Variants in INTS12 observed in about 807,000 individuals in gnomAD.
The protein encoded by INTS12 is integrator complex subunit 12, also known as PHD finger protein 22.
INTS12 carries 13 observed loss-of-function variants against 41.6 expected under a neutral mutation model. The observed-to-expected ratio is 0.31, with a 90% CI of 0.20 to 0.50. The LOEUF is 0.50. Among genes scored for constraint, INTS12 ranks in the 20% least tolerant of loss-of-function variants. INTS12 has a pLI of 0.98. For synonymous variants in INTS12, 199 were observed against 191.4 expected (o/e 1.04, Z -0.33); for missense variants, 432 against 541.6 (o/e 0.80, Z 2.01).
In INTS12 at chr4:105,682,821, C is replaced by A; in HGVS notation, c.1301G>T (p.Gly434Val). 6.2e-7 allele frequency: 1 copy of A among 1,614,030 alleles called. No individual in the cohort carries two copies. The highest frequency in any genetic ancestry group is 8.5e-7 in the Non-Finnish European group (1 of 1,179,936). ...SSSSPSASLK[G>V]PTSQESQLNA... Reference sequence around the variant, plus strand: ...GAGCTGTGATTCTTGTGAAGTTGGGCCTTTAAGGGATGCTGAGGGAGAGCT... The same window carrying A: ...GAGCTGTGATTCTTGTGAAGTTGGGACTTTAAGGGATGCTGAGGGAGAGCT... The change falls in exon 8 of 8, where the codon GGC becomes GTC. Residue 434 changes from glycine (G) to valine (V), a missense_variant. Gly to Val is a moderately radical substitution (Grantham distance 109, BLOSUM62 -3). Coordinates refer to ENST00000340139, the MANE Select transcript of INTS12 (RefSeq NM_020395.4).
intron 5 of INTS12, among the ~76,000 whole-genome samples, chr4:105,692,693 CT>C (rs1731733395): frequency 1.3e-5 from 2 of 152,100 alleles, no homozygotes; most frequent in African/African-American, 4.8e-5. Context: ...CTCGTCATTT[CT>C]CGTCATAATT....
At chr4:105,686,553 T>C (rs1287018977) in intron 7 of INTS12, 139 bp downstream of exon 7, 4 of 611,274 alleles carry the variant, frequency 6.5e-6, no homozygotes, top group Admixed American at 3.2e-5. Flanking sequence ...CTACCTAATA[T>C]AATAGTAGTA....
intron 1 of INTS12, among the ~76,000 whole-genome samples, chr4:105,707,166 A>G (rs905285401): frequency 9.9e-5 from 15 of 152,020 alleles, no homozygotes; most frequent in African/African-American, 3.1e-4. Context: ...ATATATCTAC[A>G]TCCTATCAAG....
At chr4:105,707,123 T>G (rs1398477747) in intron 1 of INTS12, among the ~76,000 whole-genome samples, 1 of 152,046 alleles carries the variant, frequency 6.6e-6, no homozygotes, top group Admixed American at 6.6e-5. Context: ...CCACTCTTAT[T>G]TTTTTTGTCC....
intron 6 of INTS12, 181 bp from the exon 7 acceptor site, chr4:105,687,019 T>C (rs1731521331): frequency 8.4e-6 from 5 of 597,202 alleles, no homozygotes; most frequent in Non-Finnish European, 1.5e-5. Flanking sequence ...GTCTTACAGA[T>C]TGTATTAGTT....
Position 105,688,180 on chromosome 4 carries a change from T to G in INTS12, c.658-1342A>C, listed in dbSNP as rs202081372. 3.3e-5 allele frequency among the ~76,000 whole-genome samples: 5 copies of G among 152,284 alleles called. No homozygotes were observed. The East Asian group carries it at 9.6e-4, about 29-fold the overall frequency. On this transcript the variant is annotated intron_variant, in intron 6 of 7. Coordinates refer to ENST00000340139, the MANE Select transcript of INTS12 (RefSeq NM_020395.4). The stretch of plus-strand genomic sequence containing the variant: ...AGTTACTGTTTATTCATCATTATTA[T>G]TTACAAAGGATAATCAAACTGAATC...
chr4:105,706,783 G>T (rs942893809), intron 1 of INTS12, among the ~76,000 whole-genome samples: 1 of 152,004 alleles, frequency 6.6e-6, no homozygotes, highest in Non-Finnish European at 1.5e-5. Flanking sequence ...AATTCCTGTG[G>T]ATTCTGACGG....
chr4:105,697,473 G>T (rs949874745), intron 3 of INTS12, among the ~76,000 whole-genome samples: 1 of 152,162 alleles, frequency 6.6e-6, no homozygotes, highest in African/African-American at 2.4e-5. Flanking sequence ...TGGTGGCAGG[G>T]CTTGATATAT....
chr4:105,700,048 CA>C, intron 2 of INTS12, 34 bp from the exon 3 acceptor site: 1 of 1,364,332 alleles, frequency 7.3e-7, no homozygotes, highest in Non-Finnish European at 9.8e-7. Context: ...ATCTAGAAGA[CA>C]ATGCACAATT....
At chr4:105,692,162 C>T (rs368817731) in intron 5 of INTS12, 27 bp from the exon 6 acceptor site, 10 of 1,597,798 alleles carry the variant, frequency 6.3e-6, no homozygotes, top group African/African-American at 1.3e-5. Flanking sequence ...TTAAACATTA[C>T]ACTACTTTTT....
chr4:105,683,453 C>G (rs1192026985), intron 7 of INTS12, 136 bp from the exon 8 acceptor site: 2 of 686,772 alleles, frequency 2.9e-6, no homozygotes, highest in East Asian at 2.7e-5. Context: ...AAAAACCACA[C>G]AGAACAAAAC....
At position 105,694,950 on chromosome 4, in the gene INTS12, C is replaced by A. The variant is rs187260188; in HGVS notation, c.309+566G>T. On this transcript the variant is annotated intron_variant, in intron 4 of 7. Transcript: ENST00000340139. ...TTGCTTTCCTTTTTTTTTGAGACAG[C>A]GCCTCACTCTGTCACCCAGGCTGGA... Among the ~76,000 whole-genome samples the A allele has an allele frequency of 2.4e-3, 357 of 150,282 alleles. 1 individual carries two copies. Among genetic ancestry groups the A allele is most frequent in the Non-Finnish European group, 4.1e-3 (277 of 67,446 alleles).
chr4:105,700,768 T>C (rs1305963013), intron 2 of INTS12, among the ~76,000 whole-genome samples: 1 of 144,236 alleles, frequency 6.9e-6, no homozygotes, highest in Non-Finnish European at 1.5e-5. Context: ...CTTTGTGTCC[T>C]AAAGAGCTTA....
chr4:105,701,636 C>CT (rs1319507969), intron 2 of INTS12, among the ~76,000 whole-genome samples: 2 of 151,906 alleles, frequency 1.3e-5, no homozygotes, highest in African/African-American at 2.4e-5. Flanking sequence ...AGCCTAATCT[C>CT]TTTTTTTTCT....
chr4:105,688,149 A>C (rs1731558823), intron 6 of INTS12, among the ~76,000 whole-genome samples: 1 of 152,224 alleles, frequency 6.6e-6, no homozygotes. Flanking sequence ...TTGAGTGCTA[A>C]CAAAAAGTTA....
At chr4:105,699,042 T>C (rs1488691063) in intron 3 of INTS12, among the ~76,000 whole-genome samples, 4 of 152,204 alleles carry the variant, frequency 2.6e-5, no homozygotes, top group African/African-American at 9.6e-5. Flanking sequence ...GGTACTACAC[T>C]AGGTAACTCA....
At chr4:105,690,643 C>T (rs1457148833) in intron 6 of INTS12, among the ~76,000 whole-genome samples, 1 of 151,774 alleles carries the variant, frequency 6.6e-6, no homozygotes, top group Non-Finnish European at 1.5e-5. Flanking sequence ...GAAGCTCACC[C>T]AGGAAGAGGG....
chr4:105,686,464 G>A (rs888130866), intron 7 of INTS12, among the ~76,000 whole-genome samples: 2 of 152,172 alleles, frequency 1.3e-5, no homozygotes, highest in African/African-American at 4.8e-5. Context: ...ATTTTGGAAT[G>A]ATCATAGACT....
At chr4:105,692,203 G>A in intron 5 of INTS12, 68 bp from the exon 6 acceptor site, 1 of 1,453,548 alleles carries the variant, frequency 6.9e-7, no homozygotes, top group Non-Finnish European at 9.4e-7. Flanking sequence ...TATTTCAGGG[G>A]CCAGGTGTGC....
Sources: gnomAD v4.1 joint callset for allele counts (sites outside exome capture counted in the v4.1 genomes callset) on GRCh38, gnomAD v4.1.1 for gene constraint, MANE v1.5 for transcripts, NCBI Gene and HGNC (gene_info 2026-07-23, HGNC 2026-07-21) for gene names.